Variants in LIN7A observed in about 807,000 individuals in gnomAD.
The protein encoded by LIN7A is protein lin-7 homolog A.
A neutral mutation model predicts 29.8 loss-of-function variants in LIN7A; 25 were observed. The ratio of observed to expected loss-of-function variants is 0.84; its 90% CI spans 0.61 to 1.17. The LOEUF (loss-of-function observed/expected upper bound fraction) is 1.17, where lower values mean the gene tolerates loss of function less well. Ranked by LOEUF, LIN7A falls within the 50% of genes most tolerant of loss-of-function variation. The probability of loss-of-function intolerance (pLI) is 0.00; values close to 1 mark genes in which losing one functional copy is unlikely to be tolerated. For synonymous variants in LIN7A, 118 were observed against 107.5 expected (o/e 1.10, Z -0.60); for missense variants, 239 against 287.0 (o/e 0.83, Z 1.21).
At chr12:80,922,856 C>T (rs1379889720) in intron 1 of LIN7A, among the ~76,000 whole-genome samples, 1 of 152,114 alleles carries the variant, frequency 6.6e-6, no homozygotes, top group Non-Finnish European at 1.5e-5. Context: ...TCCCTTTGTC[C>T]TGTATACACT....
chr12:80,925,606 G>A (rs534452606), intron 1 of LIN7A, among the ~76,000 whole-genome samples: 28 of 152,160 alleles, frequency 1.8e-4, no homozygotes, highest in South Asian at 1.2e-3. Flanking sequence ...ACTATTTTCC[G>A]TTTTACAGAT....
intron 4 of LIN7A, among the ~76,000 whole-genome samples, chr12:80,813,006 A>G (rs1871363055): frequency 1.3e-5 from 2 of 152,126 alleles, no homozygotes. Flanking sequence ...CATAAAAATA[A>G]ATATACAGAT....
At chr12:80,849,895 T>G (rs974169355) in intron 2 of LIN7A, among the ~76,000 whole-genome samples, 8 of 152,270 alleles carry the variant, frequency 5.3e-5, no homozygotes, top group African/African-American at 1.9e-4. Flanking sequence ...AGTGAGTCTC[T>G]CCACAGTTCC....
chr12:80,932,906 T>C (rs1185796278), intron 1 of LIN7A, among the ~76,000 whole-genome samples: 3 of 152,344 alleles, frequency 2.0e-5, no homozygotes, highest in Non-Finnish European at 4.4e-5. Flanking sequence ...GTTTTAAAGA[T>C]TAAAATCTGA....
intron 5 of LIN7A, among the ~76,000 whole-genome samples, chr12:80,801,011 A>G (rs1437972251): frequency 6.6e-6 from 1 of 152,042 alleles, no homozygotes; most frequent in Non-Finnish European, 1.5e-5. Flanking sequence ...ATATTGTTTA[A>G]TTTTTAAAAA....
At chr12:80,863,050 A>T (rs1216878538) in intron 2 of LIN7A, among the ~76,000 whole-genome samples, 3 of 152,220 alleles carry the variant, frequency 2.0e-5, no homozygotes, top group Admixed American at 2.0e-4. Flanking sequence ...CTGTATAATT[A>T]ATTTCACAAG....
intron 4 of LIN7A, among the ~76,000 whole-genome samples, chr12:80,836,909 T>C (rs1872610095): frequency 1.3e-5 from 2 of 152,168 alleles, no homozygotes; most frequent in South Asian, 2.1e-4. Context: ...TGCAGCAGAA[T>C]GTTTTGGCTG....
chr12:80,838,436 G>A lies in LIN7A; in HGVS notation c.483+7294C>T, dbSNP rs528069432. Among the ~76,000 whole-genome samples the A allele has an allele frequency of 5.3e-5, 8 of 152,254 alleles. No individual in the cohort carries two copies. The South Asian group carries it at 6.2e-4, about 12-fold the overall frequency. On this transcript the variant is annotated intron_variant, in intron 4 of 5. Coordinates refer to ENST00000552864, the MANE Select transcript of LIN7A (RefSeq NM_004664.4). Reference sequence around the variant, plus strand: ...ATTGTGAGCCAACTCAGAATGAAGGGGGGTAGAATACTGCCTTCTCAGTGT... The same window carrying A: ...ATTGTGAGCCAACTCAGAATGAAGGAGGGTAGAATACTGCCTTCTCAGTGT...
At chr12:80,853,639 TA>T (rs55657515) in intron 2 of LIN7A, among the ~76,000 whole-genome samples, 114,435 of 149,788 alleles carry the variant, frequency 0.76, 44,377 homozygotes, top group East Asian at 0.97. Context: ...ATGTGTAGGT[TA>T]AAAAAAAAAA....
intron 2 of LIN7A, among the ~76,000 whole-genome samples, chr12:80,880,697 G>T (rs959602618): frequency 3.3e-5 from 5 of 151,270 alleles, no homozygotes; most frequent in African/African-American, 1.2e-4. Flanking sequence ...GCAGTATCAA[G>T]ATTTTTGTTC....
At chr12:80,922,204 G>A (rs1488700145) in intron 1 of LIN7A, among the ~76,000 whole-genome samples, 1 of 152,112 alleles carries the variant, frequency 6.6e-6, no homozygotes, top group Non-Finnish European at 1.5e-5. Flanking sequence ...GAAAAATATA[G>A]CATTACTTGG....
intron 2 of LIN7A, among the ~76,000 whole-genome samples, chr12:80,878,950 A>C (rs1874872600): frequency 6.6e-6 from 1 of 152,188 alleles, no homozygotes; most frequent in Admixed American, 6.5e-5. Context: ...AAGTCCCCAC[A>C]CGATCCAAAA....
At position 80,841,970 on chromosome 12, in the gene LIN7A, G is replaced by T. The variant is rs553680222; in HGVS notation, c.483+3760C>A. The T allele has an allele frequency of 5.1e-6, 6 of 1,183,078 alleles. No individual in the cohort carries two copies. The South Asian group carries it at 8.4e-5, about 16-fold the overall frequency. The allele number at this position is 1,183,078 out of a possible 1,614,324, so 73.3% of individuals were successfully genotyped here. On this transcript the variant is annotated intron_variant, in intron 4 of 5. Transcript: ENST00000552864. The stretch of plus-strand genomic sequence containing the variant: ...TATAAGAAGTAGCCATACACCAAAG[G>T]CCTCTGTATTTTCTATGGAATTGTA...
chr12:80,902,527 C>A (rs1018012690), intron 1 of LIN7A, among the ~76,000 whole-genome samples: 1 of 151,954 alleles, frequency 6.6e-6, no homozygotes, highest in Non-Finnish European at 1.5e-5. Flanking sequence ...AGTGCCATCT[C>A]TGATTTCTTT....
Position 80,801,650 on chromosome 12 carries a change from A to T in LIN7A, c.*1-3924T>A, listed in dbSNP as rs1278982404. Reference sequence around the variant, plus strand: ...AATGATTAAACCAGATAAAATAATTAACACATTTTATCACCACACATACTT... The same window carrying T: ...AATGATTAAACCAGATAAAATAATTTACACATTTTATCACCACACATACTT... On this transcript the variant is annotated intron_variant, in intron 5 of 5. Transcript: ENST00000552864. Among the ~76,000 whole-genome samples, 3 of 152,356 alleles carry T rather than the reference A, an allele frequency of 2.0e-5. No homozygotes were observed. The East Asian group carries it at 5.8e-4, about 29-fold the overall frequency.
At chr12:80,843,406 C>A (rs1475386646) in intron 4 of LIN7A, among the ~76,000 whole-genome samples, 1 of 152,144 alleles carries the variant, frequency 6.6e-6, no homozygotes, top group Non-Finnish European at 1.5e-5. Context: ...ATGATTAGAA[C>A]ACCTAAATGG....
intron 4 of LIN7A, among the ~76,000 whole-genome samples, chr12:80,820,901 C>T (rs1015893135): frequency 3.9e-5 from 6 of 152,128 alleles, no homozygotes; most frequent in South Asian, 2.1e-4. Context: ...GACACTACAC[C>T]CCCAATGAGC....
intron 4 of LIN7A, chr12:80,832,500 A>T (rs748964811): frequency 2.1e-6 from 1 of 472,920 alleles, no homozygotes; most frequent in Admixed American, 2.3e-5. Flanking sequence ...TTCAATTGAG[A>T]TCAAGCCTTG....
chr12:80,800,947 T>C (rs943003384), intron 5 of LIN7A, among the ~76,000 whole-genome samples: 3 of 152,094 alleles, frequency 2.0e-5, no homozygotes, highest in Admixed American at 6.6e-5. Flanking sequence ...TACCTAGAAA[T>C]TAAAACTTTA....
Sources: allele counts gnomAD v4.1 joint callset (sites outside exome capture counted in the v4.1 genomes callset), GRCh38; gene constraint gnomAD v4.1.1; transcripts MANE v1.5; gene names NCBI Gene and HGNC (gene_info 2026-07-23, HGNC 2026-07-21).